Variants in SRGAP2 observed in about 807,000 individuals in gnomAD.
The protein encoded by SRGAP2 is SLIT-ROBO Rho GTPase activating protein 2, also known as SLIT-ROBO Rho GTPase-activating protein 2.
A neutral mutation model predicts 57.2 loss-of-function variants in SRGAP2; 15 were observed. That is an observed-to-expected ratio of 0.26 (90% CI 0.18 to 0.40). The LOEUF is 0.40. SRGAP2 is among the 10% of genes least tolerant of loss of function. The pLI is 1.00. For synonymous variants in SRGAP2, 249 were observed against 248.0 expected, an observed-to-expected ratio of 1.00 and a Z score of -0.04; for missense variants, 520 against 669.6, an observed-to-expected ratio of 0.78 and a Z score of 2.47.
intron 2 of SRGAP2, chr1:206,206,729 GAC>G (rs1665947128): frequency 7.2e-6 from 1 of 138,048 alleles, no homozygotes; most frequent in Non-Finnish European, 1.5e-5. Context: ...AAAATGGGAA[GAC>G]ATAATTGTTT....
chr1:206,326,934 G>A (rs749110979), intron 3 of SRGAP2, among the ~76,000 whole-genome samples: 31 of 152,074 alleles, frequency 2.0e-4, no homozygotes, highest in Non-Finnish European at 3.7e-4. Flanking sequence ...AGGCTGAGGC[G>A]GGAGGATTGC....
chr1:206,209,374 C>A (rs1666165005), intron 2 of SRGAP2, among the ~76,000 whole-genome samples: 1 of 147,256 alleles, frequency 6.8e-6, no homozygotes, highest in Non-Finnish European at 1.5e-5. Flanking sequence ...ATGGGACCCT[C>A]ATCTCATGGG....
At chr1:206,428,198 C>T (rs782604644) in intron 13 of SRGAP2, among the ~76,000 whole-genome samples, 12 of 151,972 alleles carry the variant, frequency 7.9e-5, no homozygotes, top group Non-Finnish European at 1.6e-4. Context: ...AGGCGGATCA[C>T]GAGGTCAGGA....
intron 8 of SRGAP2, among the ~76,000 whole-genome samples, chr1:206,402,258 T>C (rs1658261725): frequency 1.3e-5 from 2 of 152,014 alleles, no homozygotes; most frequent in Admixed American, 6.5e-5. Context: ...GGAGCTAAGA[T>C]GCTATCCCAA....
intron 12 of SRGAP2, among the ~76,000 whole-genome samples, chr1:206,420,460 C>T (rs1660194959): frequency 6.6e-6 from 1 of 152,182 alleles, no homozygotes; most frequent in Non-Finnish European, 1.5e-5. Context: ...AGTTATTTTG[C>T]TGTGAGACCT....
chr1:206,353,755 T>C (rs192123597), intron 4 of SRGAP2, among the ~76,000 whole-genome samples: 20 of 149,564 alleles, frequency 1.3e-4, no homozygotes, highest in Admixed American at 8.6e-4. Flanking sequence ...TTTGTTCACC[T>C]AAGATGCTAT....
At chr1:206,452,060 A>C (rs1393084022) in intron 19 of SRGAP2, among the ~76,000 whole-genome samples, 1 of 152,224 alleles carries the variant, frequency 6.6e-6, no homozygotes. Context: ...CCTAGCACAG[A>C]CGAAGATAAT....
At chr1:206,452,931 T>C (rs1663463673) in intron 19 of SRGAP2, among the ~76,000 whole-genome samples, 2 of 151,248 alleles carry the variant, frequency 1.3e-5, no homozygotes, top group Admixed American at 1.3e-4. Context: ...AGTTGTGTTT[T>C]GATGTGCTTC....
At chr1:206,447,112 C>T (rs1390871892) in intron 18 of SRGAP2, among the ~76,000 whole-genome samples, 2 of 152,128 alleles carry the variant, frequency 1.3e-5, no homozygotes, top group Non-Finnish European at 2.9e-5. Context: ...CCATTTACAG[C>T]GTCGTTTTTT....
At chr1:206,248,264 T>C (rs1160543475) in intron 2 of SRGAP2, among the ~76,000 whole-genome samples, 1 of 152,174 alleles carries the variant, frequency 6.6e-6, no homozygotes, top group African/African-American at 2.4e-5. Context: ...TTACTGTTTG[T>C]GTAATATTTG....
intron 3 of SRGAP2, among the ~76,000 whole-genome samples, chr1:206,327,805 CA>C (rs1279769458): frequency 3.1e-4 from 23 of 74,702 alleles, no homozygotes; most frequent in Non-Finnish European, 5.1e-4. Context: ...TACACTGAAT[CA>C]TTTTTTTTTT....
intron 17 of SRGAP2, among the ~76,000 whole-genome samples, chr1:206,440,572 G>A (rs868940270): frequency 3.3e-5 from 5 of 150,960 alleles, no homozygotes; most frequent in African/African-American, 9.7e-5. Flanking sequence ...TTTTTGAGAC[G>A]GAGTCTTGCT....
intron 16 of SRGAP2, among the ~76,000 whole-genome samples, chr1:206,439,461 G>A (rs1187674411): frequency 6.6e-6 from 1 of 151,930 alleles, no homozygotes; most frequent in Non-Finnish European, 1.5e-5. Flanking sequence ...AGCAGGACAG[G>A]CCTCTTGCAC....
At chr1:206,265,819 A>G (rs1364411712) in intron 2 of SRGAP2, among the ~76,000 whole-genome samples, 5 of 149,438 alleles carry the variant, frequency 3.3e-5, no homozygotes, top group Non-Finnish European at 6.0e-5. Context: ...TTTTCTCTCC[A>G]GCTTAATTTT....
intron 18 of SRGAP2, among the ~76,000 whole-genome samples, chr1:206,449,989 G>A (rs782373376): frequency 1.3e-5 from 2 of 152,162 alleles, no homozygotes; most frequent in East Asian, 1.9e-4. Context: ...GCTGGTTTTC[G>A]AATCCAGTTT....
chr1:206,294,857 C>G (rs2102728995), intron 2 of SRGAP2, among the ~76,000 whole-genome samples: 1 of 151,380 alleles, frequency 6.6e-6, no homozygotes, highest in East Asian at 1.9e-4. Flanking sequence ...GCTTGAGATC[C>G]AAACTACTCT....
chr1:206,438,624 CT>C (rs1461616160), intron 16 of SRGAP2, among the ~76,000 whole-genome samples: 1 of 152,186 alleles, frequency 6.6e-6, no homozygotes, highest in Non-Finnish European at 1.5e-5. Flanking sequence ...AGTTCTCTGC[CT>C]CTTACTCTAA....
At chr1:206,333,576 T>G (rs1213438227) in intron 3 of SRGAP2, 3 of 727,442 alleles carry the variant, frequency 4.1e-6, no homozygotes, top group Non-Finnish European at 6.9e-6. Context: ...CCCAGGCTGG[T>G]CATTTACAGG....
intron 10 of SRGAP2, among the ~76,000 whole-genome samples, chr1:206,411,135 C>T (rs1376363680): frequency 6.6e-6 from 1 of 152,244 alleles, no homozygotes; most frequent in East Asian, 1.9e-4. Context: ...GCTGGGATTA[C>T]AGGCGTGAGC....
Sources: allele counts gnomAD v4.1 joint callset (sites outside exome capture counted in the v4.1 genomes callset), GRCh38; gene constraint gnomAD v4.1.1; transcripts MANE v1.5; gene names NCBI Gene and HGNC (gene_info 2026-07-23, HGNC 2026-07-21).